BIN3: variants seen among roughly 807,000 people sequenced by gnomAD.
BIN3 encodes bridging integrator 3.
Under a neutral mutation model 38.2 loss-of-function variants are expected in BIN3, and 41 were observed. That is an observed-to-expected ratio of 1.07 (90% CI 0.84 to 1.39). The LOEUF is 1.39. Ranked by LOEUF, BIN3 falls within the 40% of genes most tolerant of loss-of-function variation. The probability of loss-of-function intolerance (pLI) is 0.00; values close to 1 mark genes in which losing one functional copy is unlikely to be tolerated. For synonymous variants in BIN3, 145 were observed against 122.6 expected, an observed-to-expected ratio of 1.18 and a Z score of -1.21; for missense variants, 361 against 324.3, an observed-to-expected ratio of 1.11 and a Z score of -0.87.
chr8:22,635,551 G>C (rs1466867188), intron 4 of BIN3, among the ~76,000 whole-genome samples: 1 of 152,136 alleles, frequency 6.6e-6, no homozygotes, highest in Non-Finnish European at 1.5e-5. Context: ...TGACGACGGT[G>C]ATGACAGGAG....
intron 1 of BIN3, among the ~76,000 whole-genome samples, chr8:22,657,800 G>A (rs1413110355): frequency 3.3e-5 from 5 of 152,336 alleles, no homozygotes; most frequent in South Asian, 2.1e-4. Context: ...TTTCATCCCC[G>A]TGGGTCTCCC....
chr8:22,662,411 C>A (rs1803265164), intron 1 of BIN3, among the ~76,000 whole-genome samples: 1 of 152,206 alleles, frequency 6.6e-6, no homozygotes, highest in Non-Finnish European at 1.5e-5. Flanking sequence ...TTCCTGATTA[C>A]TAATAGGACC....
chr8:22,634,416 G>A (rs1802302261), intron 4 of BIN3: 1 of 452,376 alleles, frequency 2.2e-6, no homozygotes, highest in East Asian at 6.9e-5. Flanking sequence ...CGCTCACCCG[G>A]GCATGGTGGT....
intron 6 of BIN3, chr8:22,629,580 G>A: frequency 4.1e-6 from 1 of 243,102 alleles, no homozygotes; most frequent in South Asian, 9.9e-5. Flanking sequence ...AAGCTGGCGG[G>A]GCAAGATGAA....
chr8:22,626,305 C>G (rs1356877884), intron 6 of BIN3: 1 of 152,450 alleles, frequency 6.6e-6, no homozygotes, highest in Admixed American at 6.5e-5. Context: ...TCGCCCATGG[C>G]GTGGGCTGGG....
intron 2 of BIN3, among the ~76,000 whole-genome samples, chr8:22,641,149 T>C (rs1231884321): frequency 6.6e-6 from 1 of 152,212 alleles, no homozygotes; most frequent in African/African-American, 2.4e-5. Context: ...CATCTTTGAA[T>C]GCTTGATGCC....
At position 22,620,722 on chromosome 8, in the gene BIN3, T is replaced by C. The variant is rs545644002; in HGVS notation, c.*700A>G. On this transcript the variant is annotated 3_prime_UTR_variant, in exon 9 of 9. Coordinates refer to ENST00000276416, the MANE Select transcript of BIN3 (RefSeq NM_018688.6). ...AGCACAATACTATGTGGACGTTTCA[T>C]TGAAAATTTTACTTGAAAAAATAAA... is the stretch of plus-strand genomic sequence containing the variant. The C allele has an allele frequency of 1.3e-5, 2 of 152,364 alleles. No individual in the cohort carries two copies. Among genetic ancestry groups the C allele is most frequent in the South Asian group, 4.1e-4 (2 of 4,834 alleles). 9.4% of individuals were successfully genotyped at this position (152,364 alleles called of 1,614,324 possible).
At chr8:22,636,418 C>T (rs558319481) in intron 4 of BIN3, 107 bp downstream of exon 4, 66 of 1,171,414 alleles carry the variant, frequency 5.6e-5, no homozygotes, top group African/African-American at 2.4e-4. Flanking sequence ...ACTGGGTACA[C>T]GTCCTCTGAG....
intron 1 of BIN3, among the ~76,000 whole-genome samples, chr8:22,654,460 A>G (rs960533008): frequency 6.6e-6 from 1 of 152,218 alleles, no homozygotes; most frequent in Non-Finnish European, 1.5e-5. Flanking sequence ...TCATCACACC[A>G]AAAAGAAACC....
intron 5 of BIN3, 49 bp downstream of exon 5, chr8:22,630,393 A>G: frequency 6.2e-7 from 1 of 1,607,072 alleles, no homozygotes; most frequent in East Asian, 2.2e-5. Context: ...CCAGAGGCCC[A>G]GACCGGGCAG....
intron 1 of BIN3, among the ~76,000 whole-genome samples, chr8:22,667,076 G>T (rs762718340): frequency 6.6e-6 from 1 of 152,192 alleles, no homozygotes; most frequent in African/African-American, 2.4e-5. Context: ...CAGGGTCCAC[G>T]CAAGAGATGA....
chr8:22,632,387 GGA>G (rs1449313705), intron 4 of BIN3, among the ~76,000 whole-genome samples: 2 of 152,172 alleles, frequency 1.3e-5, no homozygotes, highest in Non-Finnish European at 2.9e-5. Context: ...CTGGAATCTG[GGA>G]GAGTGCTACA....
chr8:22,626,461 AC>A (rs1426729345), intron 6 of BIN3: 1 of 152,174 alleles, frequency 6.6e-6, no homozygotes, highest in Non-Finnish European at 1.5e-5. Flanking sequence ...CTGAGAGGCT[AC>A]CAGGCCACCT....
At position 22,636,544 on chromosome 8, in the gene BIN3, C is replaced by T. The variant is rs779158786; in HGVS notation, c.141G>A (p.Lys47=). 5.8e-6 allele frequency: 9 copies of T among 1,552,776 alleles called. No homozygotes were observed. The highest frequency in any genetic ancestry group is 1.7e-4 in the Middle Eastern group (1 of 6,020). ...ACCTACCCAGGTCTGCGTCGGTGCTCTTCTTCATGTCTTTCTGCAGCCTCC... is the reference window on the plus strand; with the variant it reads ...ACCTACCCAGGTCTGCGTCGGTGCTTTTCTTCATGTCTTTCTGCAGCCTCC... ...QTRRLQKDMK[K]STDADLAMSK... is the part of the protein sequence containing the mutation. The change falls in exon 4 of 9, where the codon AAG becomes AAA. Residue 47 remains lysine, a synonymous_variant. Transcript: ENST00000276416.
intron 6 of BIN3, among the ~76,000 whole-genome samples, chr8:22,628,098 G>A (rs1324659617): frequency 2.6e-5 from 4 of 152,238 alleles, no homozygotes; most frequent in Non-Finnish European, 4.4e-5. Flanking sequence ...GCTGGGAGGT[G>A]GGCTGGGCGC....
intron 4 of BIN3, among the ~76,000 whole-genome samples, chr8:22,631,623 C>T (rs371277147): frequency 6.6e-6 from 1 of 152,254 alleles, no homozygotes; most frequent in African/African-American, 2.4e-5. Context: ...CTTCCCTGTT[C>T]ACTGCTCTCC....
chr8:22,640,692 C>T (rs1354658869), intron 2 of BIN3, among the ~76,000 whole-genome samples: 1 of 152,164 alleles, frequency 6.6e-6, no homozygotes, highest in African/African-American at 2.4e-5. Flanking sequence ...GCCTTTGGCT[C>T]CCTTCCTCCC....
At chr8:22,641,442 C>T (rs1037648838) in intron 2 of BIN3, among the ~76,000 whole-genome samples, 2 of 152,114 alleles carry the variant, frequency 1.3e-5, no homozygotes, top group African/African-American at 2.4e-5. Flanking sequence ...AGTTCCCACC[C>T]AAACTTATGC....
intron 1 of BIN3, among the ~76,000 whole-genome samples, chr8:22,660,884 T>C (rs1395436950): frequency 1.3e-5 from 2 of 152,178 alleles, no homozygotes; most frequent in African/African-American, 4.8e-5. Context: ...CTTTCTTTTC[T>C]TTTTTAACTT....
Sources: allele counts gnomAD v4.1 joint callset (sites outside exome capture counted in the v4.1 genomes callset), GRCh38; gene constraint gnomAD v4.1.1; transcripts MANE v1.5; gene names NCBI Gene and HGNC (gene_info 2026-07-23, HGNC 2026-07-21).